The following FKTN variants were observed in gnomAD, a reference collection of about 807,000 sequenced individuals.
FKTN encodes fukutin, also known as ribitol-5-phosphate transferase FKTN.
In FKTN, 47 loss-of-function variants were observed where a neutral mutation model predicts 58.6. That is an observed-to-expected ratio of 0.80 (90% confidence interval 0.63 to 1.02). The LOEUF is 1.02. FKTN is among the 50% of genes least tolerant of loss of function. The pLI is 0.00. For synonymous variants in FKTN, 178 were observed against 191.9 expected (o/e 0.93, Z 0.60); for missense variants, 516 against 537.3 (o/e 0.96, Z 0.39).
Position 105,636,778 on chromosome 9 carries a change from G to A in FKTN, c.*1514G>A. 1.0e-5 allele frequency: 13 copies of A among 1,278,460 alleles called. No individual in the cohort carries two copies. Among genetic ancestry groups the A allele is most frequent in the Non-Finnish European group, 1.3e-5 (13 of 971,298 alleles). The allele number at this position is 1,278,460 out of a possible 1,614,324, so 79.2% of individuals were successfully genotyped here. A position where few individuals can be genotyped will look rare whatever the true frequency, so the allele number is the denominator to read the frequency against. Reference sequence around the variant, plus strand: ...GAGAACAATAGTAGTCTCAAGAATGGAAACCTGAATGTCTGAGGGAATGGG... The same window carrying A: ...GAGAACAATAGTAGTCTCAAGAATGAAAACCTGAATGTCTGAGGGAATGGG... On this transcript the variant is annotated 3_prime_UTR_variant, in exon 11 of 11. Transcript: ENST00000357998.
intron 5 of FKTN, among the ~76,000 whole-genome samples, 171 bp downstream of exon 5, chr9:105,601,519 G>A (rs940829727): frequency 3.9e-5 from 6 of 152,012 alleles, no homozygotes; most frequent in Admixed American, 3.9e-4. Flanking sequence ...AAGGCAAATA[G>A]GGGATTTCTT....
At position 105,637,562 on chromosome 9, in the gene FKTN, C is replaced by G. The variant is rs116107812; in HGVS notation, c.*2298C>G. ...TTAACAGTTGGGTTCTGTGGAGTGTCCAGAGACCTTGGGTTAGGTATATCC... is the reference window on the plus strand; with the variant it reads ...TTAACAGTTGGGTTCTGTGGAGTGTGCAGAGACCTTGGGTTAGGTATATCC... On this transcript the variant is annotated 3_prime_UTR_variant, in exon 11 of 11. Transcript: ENST00000357998. The G allele has an allele frequency of 3.0e-3, 2,996 of 985,318 alleles. 83 individuals carry two copies. The African/African-American group carries it at 0.049, about 16-fold the overall frequency. 61.0% of individuals were successfully genotyped at this position (985,318 alleles called of 1,614,324 possible).
intron 4 of FKTN, 50 bp downstream of exon 4, chr9:105,596,707 A>G: frequency 8.2e-7 from 1 of 1,215,180 alleles, no homozygotes; most frequent in Non-Finnish European, 1.2e-6. Context: ...CATTTAGTTC[A>G]TTCATTTACT....
intron 3 of FKTN, among the ~76,000 whole-genome samples, chr9:105,592,403 C>T (rs185214160): frequency 3.3e-5 from 5 of 152,086 alleles, no homozygotes; most frequent in African/African-American, 9.7e-5. Context: ...CTTTGGTAGG[C>T]CGAGTTGGGT....
chr9:105,585,117 GA>G (rs35912971), intron 3 of FKTN, among the ~76,000 whole-genome samples: 6 of 150,984 alleles, frequency 4.0e-5, no homozygotes, highest in Middle Eastern at 3.4e-3. Flanking sequence ...ATGCCAGTAG[GA>G]AAAAAAAATG....
chr9:105,579,624 G>GA (rs1283635869), intron 3 of FKTN, among the ~76,000 whole-genome samples: 2 of 148,408 alleles, frequency 1.3e-5, no homozygotes, highest in Non-Finnish European at 3.0e-5. Context: ...GTGTGGTGCT[G>GA]AAAAAAATGT....
At chr9:105,587,110 A>G (rs1020970562) in intron 3 of FKTN, among the ~76,000 whole-genome samples, 1 of 152,198 alleles carries the variant, frequency 6.6e-6, no homozygotes, top group African/African-American at 2.4e-5. Context: ...GGGAAGACAA[A>G]GCCAATGAAC....
chr9:105,604,433 C>T lies in FKTN; in HGVS notation c.588C>T (p.Asp196=), dbSNP rs1222153269. Residue 196 remains aspartate, a synonymous_variant, in exon 6 of 11, where the codon GAC becomes GAT. Transcript: ENST00000357998. ...ACTTGAGACTTAAAGAACACATTGA[C>T]AGGAAATTTGTTCCCTTCCGAAAGT... is the stretch of plus-strand genomic sequence containing the variant. ...HGHLRLKEHI[D]RKFVPFRKLQ... is the part of the protein sequence containing the mutation. 3 of 1,613,956 alleles carry T rather than the reference C, an allele frequency of 1.9e-6. No homozygotes were observed. The highest frequency in any genetic ancestry group is 1.1e-5 in the South Asian group (1 of 91,088).
chr9:105,597,632 C>T (rs2132619396), intron 4 of FKTN, among the ~76,000 whole-genome samples: 1 of 152,142 alleles, frequency 6.6e-6, no homozygotes, highest in Middle Eastern at 3.4e-3. Flanking sequence ...ACTTCTCTAC[C>T]TCCATCCCAC....
chr9:105,565,149 C>G (rs74492526), intron 1 of FKTN, among the ~76,000 whole-genome samples: 1 of 152,106 alleles, frequency 6.6e-6, no homozygotes, highest in Non-Finnish European at 1.5e-5. Context: ...CTGAAGGGAG[C>G]ACTAAACATG....
intron 10 of FKTN, among the ~76,000 whole-genome samples, chr9:105,631,175 G>A (rs1439754014): frequency 6.6e-6 from 1 of 151,974 alleles, no homozygotes; most frequent in African/African-American, 2.4e-5. Context: ...ACCTAATAAA[G>A]AGAATATAAC....
rs141470884 is a variant in FKTN, at chr9:105,630,165, C to T, written c.1173-4886C>T. On this transcript the variant is annotated intron_variant, in intron 10 of 10. Transcript: ENST00000357998. ...TGTATACATATGTAACAAACTGGCA[C>T]GTTGTGCACATGTACCCTAGAACTT... 8.4e-3 allele frequency among the ~76,000 whole-genome samples: 1,271 copies of T among 151,716 alleles called. 20 individuals carry two copies. Among genetic ancestry groups the T allele is most frequent in the African/African-American group, 0.029 (1,213 of 41,318 alleles).
At chr9:105,632,889 G>A (rs769486197) in intron 10 of FKTN, among the ~76,000 whole-genome samples, 3 of 152,130 alleles carry the variant, frequency 2.0e-5, no homozygotes, top group East Asian at 1.9e-4. Flanking sequence ...CTGCTTAGCC[G>A]AACTTAGTCT....
intron 5 of FKTN, among the ~76,000 whole-genome samples, chr9:105,603,039 C>T (rs1352783575): frequency 6.6e-6 from 1 of 152,116 alleles, no homozygotes; most frequent in Non-Finnish European, 1.5e-5. Context: ...TCTAGCAAAA[C>T]CTTGACCTAG....
At chr9:105,574,921 T>A in intron 2 of FKTN, 24 bp from the exon 3 acceptor site, 1 of 718,346 alleles carries the variant, frequency 1.4e-6, no homozygotes. Flanking sequence ...TTTGTTTCTT[T>A]AAAAATATCT....
chr9:105,619,928 C>G lies in FKTN; in HGVS notation c.1045-6C>G, dbSNP rs754270605. The G allele has an allele frequency of 1.9e-6, 3 of 1,609,440 alleles. No homozygotes were observed. The highest frequency in any genetic ancestry group is 2.5e-6 in the Non-Finnish European group (3 of 1,176,508). ...CAGTGTGTGAAGGTTTTCATCTTCC[C>G]CATAGGTAGAAGACAGCTTGGAACT... On this transcript the variant is annotated splice_region_variant and splice_polypyrimidine_tract_variant and intron_variant, in intron 9 of 10. Transcript: ENST00000357998.
rs558279507 is a variant in FKTN, at chr9:105,581,678, A to G, written c.105+6541A>G. On this transcript the variant is annotated intron_variant, in intron 3 of 10. Transcript: ENST00000357998. ...TACAGAGGCAGGCAGGCCTCCTTGAACTGTGGTGGGCTCCATGCAGTTCGA... is the reference window on the plus strand; with the variant it reads ...TACAGAGGCAGGCAGGCCTCCTTGAGCTGTGGTGGGCTCCATGCAGTTCGA... 1.6e-3 allele frequency among the ~76,000 whole-genome samples: 241 copies of G among 152,114 alleles called. 3 individuals are homozygous for G. Among genetic ancestry groups the G allele is most frequent in the East Asian group, 0.013 (66 of 5,166 alleles).
chr9:105,564,771 A>G (rs879072460), intron 1 of FKTN, among the ~76,000 whole-genome samples: 5 of 152,230 alleles, frequency 3.3e-5, no homozygotes, highest in Non-Finnish European at 5.9e-5. Flanking sequence ...AGGCAGGCCA[A>G]CATTCAAATT....
Position 105,564,496 on chromosome 9 carries a change from A to C in FKTN, c.-181+6331A>C, listed in dbSNP as rs141204153. Reference sequence around the variant, plus strand: ...AAACCATAGCACGAGAACTACATGAAGAATGCACAAGCTTCAGTAGCCGAT... The same window carrying C: ...AAACCATAGCACGAGAACTACATGACGAATGCACAAGCTTCAGTAGCCGAT... On this transcript the variant is annotated intron_variant, in intron 1 of 10. Transcript: ENST00000357998. 9.0e-3 allele frequency among the ~76,000 whole-genome samples: 1,378 copies of C among 152,352 alleles called. 22 individuals carry two copies. Among genetic ancestry groups the C allele is most frequent in the African/African-American group, 0.032 (1,320 of 41,584 alleles).
Sources: gnomAD v4.1 joint callset for allele counts (sites outside exome capture counted in the v4.1 genomes callset) on GRCh38, gnomAD v4.1.1 for gene constraint, MANE v1.5 for transcripts, NCBI Gene and HGNC (gene_info 2026-07-23, HGNC 2026-07-21) for gene names.